AGAP1: variants seen among roughly 807,000 people sequenced by gnomAD.
AGAP1 encodes ArfGAP with GTPase domain, ankyrin repeat and PH domain 1.
A neutral mutation model predicts 105.3 loss-of-function variants in AGAP1; 29 were observed. That is an observed-to-expected ratio of 0.28 (90% CI 0.21 to 0.38). The LOEUF (loss-of-function observed/expected upper bound fraction) is 0.38. Among genes scored for constraint, AGAP1 ranks in the 10% least tolerant of loss-of-function variants. AGAP1 has a pLI of 1.00. For missense variants in AGAP1, 998 were observed against 1,165.1 expected, an observed-to-expected ratio of 0.86 and a Z score of 2.09; for synonymous variants, 509 against 485.9, an observed-to-expected ratio of 1.05 and a Z score of -0.63.
At chr2:235,695,078 T>C (rs1949934736) in intron 1 of AGAP1, among the ~76,000 whole-genome samples, 1 of 152,218 alleles carries the variant, frequency 6.6e-6, no homozygotes, top group South Asian at 2.1e-4. Context: ...ATCTTTGACA[T>C]TCATGGTGTG....
chr2:236,101,272 TC>T lies in AGAP1; in HGVS notation c.2115-18918del, dbSNP rs777392310. ...AAAAGGTATACCACATTAAGAAGAC[TC>T]CTTATTGTTCCAAAGCAATGGTCCT... On this transcript the variant is annotated intron_variant, in intron 16 of 17. Coordinates refer to ENST00000304032, the MANE Select transcript of AGAP1 (RefSeq NM_001037131.3). The surrounding 1 kb of genome is among the most constrained non-coding windows in gnomAD (Gnocchi z 4.9). Among the ~76,000 whole-genome samples the T allele has an allele frequency of 2.0e-4, 31 of 152,284 alleles. No individual in the cohort carries two copies. Among genetic ancestry groups the T allele is most frequent in the Non-Finnish European group, 4.3e-4 (29 of 68,032 alleles).
Position 235,730,308 on chromosome 2 carries a change from A to C in AGAP1, c.311-10655A>C, listed in dbSNP as rs78839493. The stretch of plus-strand genomic sequence containing the variant: ...AACTGCCAAGGGTCCCCTGCTTGGC[A>C]CTCTGCTGTCCCACTTGCTTCCTGC... On this transcript the variant is annotated intron_variant, in intron 3 of 17. Transcript: ENST00000304032. Among the ~76,000 whole-genome samples, 1,278 of 151,886 alleles carry C rather than the reference A, an allele frequency of 8.4e-3. 27 individuals are homozygous for C. Among genetic ancestry groups the C allele is most frequent in the African/African-American group, 0.028 (1,155 of 41,354 alleles).
At position 236,060,427 on chromosome 2, in the gene AGAP1, G is replaced by A. The variant is rs116701689; in HGVS notation, c.2114+11146G>A. ...GTTACAGGTGGGCATGATGGCTCAT[G>A]CCTGTAACCCTAGCACTTTGGGAGG... On this transcript the variant is annotated intron_variant, in intron 16 of 17. Coordinates refer to ENST00000304032, the MANE Select transcript of AGAP1 (RefSeq NM_001037131.3). Among the ~76,000 whole-genome samples, 418 of 152,198 alleles carry A rather than the reference G, an allele frequency of 2.7e-3. 4 individuals carry two copies. The highest frequency in any genetic ancestry group is 9.8e-3 in the African/African-American group (407 of 41,548).
intron 9 of AGAP1, among the ~76,000 whole-genome samples, chr2:235,817,846 G>A (rs569712270): frequency 1.4e-4 from 21 of 152,252 alleles, no homozygotes; most frequent in African/African-American, 4.1e-4. Context: ...GGCTGCGATC[G>A]CACCACTGCA....
rs774235603 is a variant in AGAP1 at position 235,792,905 on chromosome 2, G to A, written c.674-4854G>A. 4.6e-5 allele frequency among the ~76,000 whole-genome samples: 7 copies of A among 152,286 alleles called. 1 individual carries two copies. In the South Asian group the frequency reaches 1.2e-3, roughly 27 times the overall value. On this transcript the variant is annotated intron_variant, in intron 6 of 17. Coordinates refer to ENST00000304032, the MANE Select transcript of AGAP1 (RefSeq NM_001037131.3). This position sits in a 1 kb window ranked among gnomAD's most constrained non-coding sequence, Gnocchi z 5.3. ...AGCTCCTGGCACTGAGGTGGTGACC[G>A]AGACATTCGCGAGGAGGTTGCCCAG...
intron 16 of AGAP1, among the ~76,000 whole-genome samples, chr2:236,116,156 A>T (rs2059765084): frequency 6.6e-6 from 1 of 152,012 alleles, no homozygotes. Flanking sequence ...CTTGTTACCC[A>T]GGCTGGAGTG....
In AGAP1 at chr2:235,905,310, T is replaced by G. The variant is rs2051252230; in HGVS notation, c.1156-3428T>G. ...CATTAAGGAAGAAAGTTATAGCAAG[T>G]TGATATTTTTAAAGGAGTAACTGTG... On this transcript the variant is annotated intron_variant, in intron 10 of 17. Transcript: ENST00000304032. The surrounding 1 kb of genome is among the most constrained non-coding windows in gnomAD (Gnocchi z 4.2). Among the ~76,000 whole-genome samples, 1 of 152,188 alleles carries G rather than the reference T, an allele frequency of 6.6e-6. No homozygotes were observed. Among genetic ancestry groups the G allele is most frequent in the African/African-American group, 2.4e-5 (1 of 41,438 alleles).
At position 235,729,067 on chromosome 2, in the gene AGAP1, G is replaced by T. The variant is rs1028374678; in HGVS notation, c.310+11423G>T. 1.3e-5 allele frequency among the ~76,000 whole-genome samples: 2 copies of T among 152,110 alleles called. No homozygotes were observed. The highest frequency in any genetic ancestry group is 2.9e-5 in the Non-Finnish European group (2 of 68,014). On this transcript the variant is annotated intron_variant, in intron 3 of 17. Transcript: ENST00000304032. The surrounding 1 kb of genome is among the most constrained non-coding windows in gnomAD (Gnocchi z 5.0). ...AAGAGTCAGAGTGGCTGGGCTCCAG[G>T]GCTCCAGCCAGGCTATTAGCAGGAG...
At chr2:235,755,466 G>A (rs994362656) in intron 6 of AGAP1, among the ~76,000 whole-genome samples, 6 of 151,806 alleles carry the variant, frequency 4.0e-5, no homozygotes, top group Non-Finnish European at 8.8e-5. Context: ...TTTTTTCGAG[G>A]CAGGGTCTCT....
At chr2:235,873,520 A>G (rs1333143983) in intron 9 of AGAP1, among the ~76,000 whole-genome samples, 1 of 151,906 alleles carries the variant, frequency 6.6e-6, no homozygotes, top group Non-Finnish European at 1.5e-5. Context: ...AAAGGTTTAC[A>G]TGTATAAATG....
chr2:235,797,060 A>G (rs1425129274), intron 6 of AGAP1, among the ~76,000 whole-genome samples: 1 of 152,216 alleles, frequency 6.6e-6, no homozygotes, highest in Non-Finnish European at 1.5e-5. Flanking sequence ...GGTCTTTGAT[A>G]TAATTACATC....
intron 1 of AGAP1, among the ~76,000 whole-genome samples, chr2:235,503,592 GTATTTATT>G (rs71924780): frequency 0.017 from 2,609 of 152,130 alleles, 59 homozygotes; most frequent in Non-Finnish European, 0.023. Flanking sequence ...GAACTTGTTA[GTATTTATT>G]TATTTATTTT....
In AGAP1 at chr2:235,786,408, A is replaced by G. The variant is rs558322585; in HGVS notation, c.674-11351A>G. Among the ~76,000 whole-genome samples the G allele has an allele frequency of 2.0e-4, 30 of 152,328 alleles. No individual in the cohort carries two copies. In the South Asian group the frequency reaches 6.2e-3, roughly 32 times the overall value. On this transcript the variant is annotated intron_variant, in intron 6 of 17. Coordinates refer to ENST00000304032, the MANE Select transcript of AGAP1 (RefSeq NM_001037131.3). ...TAGTCTAGAAAGCTCTGCTCTTCGG[A>G]AGATCTTTAATTTATGCTTTTTGCA...
chr2:235,706,263 C>T (rs575864506), intron 1 of AGAP1, among the ~76,000 whole-genome samples: 10 of 152,286 alleles, frequency 6.6e-5, no homozygotes, highest in African/African-American at 1.2e-4. Flanking sequence ...CTCGCTCTGT[C>T]GCCCAGGCTG....
chr2:236,034,138 G>T (rs1347294794), intron 13 of AGAP1, among the ~76,000 whole-genome samples: 1 of 152,122 alleles, frequency 6.6e-6, no homozygotes, highest in Non-Finnish European at 1.5e-5. Flanking sequence ...TATCCTATGA[G>T]AATCTGTATG....
Position 235,993,032 on chromosome 2 carries a change from C to A in AGAP1, c.1645+24409C>A, listed in dbSNP as rs180996672. On this transcript the variant is annotated intron_variant, in intron 13 of 17. Transcript: ENST00000304032. The surrounding 1 kb of genome is among the most constrained non-coding windows in gnomAD (Gnocchi z 5.0). ...AGTTATTGTTATACGTTACAAAAAACCAGTTTAAGACATGGACTTTTTTCA... is the reference window on the plus strand; with the variant it reads ...AGTTATTGTTATACGTTACAAAAAAACAGTTTAAGACATGGACTTTTTTCA... Among the ~76,000 whole-genome samples the A allele has an allele frequency of 2.0e-4, 31 of 152,294 alleles. No homozygotes were observed. In the East Asian group the frequency reaches 2.7e-3, roughly 13 times the overall value.
intron 12 of AGAP1, among the ~76,000 whole-genome samples, chr2:235,937,248 G>A (rs1023251834): frequency 3.9e-5 from 6 of 152,176 alleles, no homozygotes; most frequent in Non-Finnish European, 7.3e-5. Flanking sequence ...CAGGCTGGCC[G>A]GCCTAATTAA....
chr2:235,554,260 G>A (rs1486591222), intron 1 of AGAP1, among the ~76,000 whole-genome samples: 12 of 152,238 alleles, frequency 7.9e-5, no homozygotes, highest in Non-Finnish European at 2.9e-5. Flanking sequence ...GAAGCAGAGA[G>A]TGGCCTGCTT....
At chr2:235,543,073 G>A (rs903475731) in intron 1 of AGAP1, among the ~76,000 whole-genome samples, 3 of 144,076 alleles carry the variant, frequency 2.1e-5, no homozygotes, top group Admixed American at 7.5e-5. Context: ...GGTATTGTGC[G>A]ACCCTGCTCC....
Sources: gnomAD v4.1 joint callset for allele counts (sites outside exome capture counted in the v4.1 genomes callset) on GRCh38, gnomAD v4.1.1 for gene constraint, Gnocchi (gnomAD v3.1) non-coding constraint, MANE v1.5 for transcripts, NCBI Gene and HGNC (gene_info 2026-07-23, HGNC 2026-07-21) for gene names.